The following RALYL variants were observed in gnomAD, a reference collection of about 807,000 sequenced individuals.
RALYL encodes the protein RNA-binding Raly-like protein.
In RALYL, 29 loss-of-function variants were observed where a neutral mutation model predicts 35.1. That is an observed-to-expected ratio of 0.83 (90% CI 0.61 to 1.13). RALYL has a LOEUF of 1.13. RALYL is among the 50% of genes most tolerant of loss of function. The pLI is 0.00. For synonymous variants in RALYL, 120 were observed against 127.6 expected (o/e 0.94, Z 0.40); for missense variants, 359 against 360.4 (o/e 1.00, Z 0.03).
intron 1 of RALYL, among the ~76,000 whole-genome samples, chr8:84,518,071 A>G (rs1470671771): frequency 1.3e-5 from 2 of 152,174 alleles, no homozygotes; most frequent in Non-Finnish European, 2.9e-5. Flanking sequence ...TCTATGTTAT[A>G]CTATTTATGC....
chr8:84,776,733 T>A (rs760553623), intron 3 of RALYL, among the ~76,000 whole-genome samples: 1 of 152,236 alleles, frequency 6.6e-6, no homozygotes, highest in African/African-American at 2.4e-5. Context: ...TTTCTTGGAT[T>A]GTTTTGATTT....
At chr8:84,598,020 C>T (rs543254157) in intron 2 of RALYL, among the ~76,000 whole-genome samples, 6 of 152,240 alleles carry the variant, frequency 3.9e-5, no homozygotes, top group African/African-American at 1.4e-4. Context: ...GCATGACATA[C>T]AAACCTCTGC....
Position 84,253,664 on chromosome 8 carries a change from G to A in RALYL, c.-24+69240G>A, listed in dbSNP as rs539903861. ...CCTTAAAATAGAAAAGAAGTTGACA[G>A]GTAAACATTCACATCATCCTTTTTG... On this transcript the variant is annotated intron_variant, in intron 1 of 8. Transcript: ENST00000521268. Among the ~76,000 whole-genome samples, 5 of 152,186 alleles carry A rather than the reference G, an allele frequency of 3.3e-5. No homozygotes were observed. In the East Asian group the frequency reaches 9.7e-4, roughly 30 times the overall value.
At chr8:84,919,932 A>G (rs1465632112) in intron 8 of RALYL, among the ~76,000 whole-genome samples, 3 of 152,092 alleles carry the variant, frequency 2.0e-5, no homozygotes, top group African/African-American at 4.8e-5. Flanking sequence ...CAGTAGTCTT[A>G]GCCAGGCATG....
intron 1 of RALYL, among the ~76,000 whole-genome samples, chr8:84,189,412 A>G (rs1352051624): frequency 6.6e-6 from 1 of 152,196 alleles, no homozygotes; most frequent in African/African-American, 2.4e-5. Context: ...CATATGCTAA[A>G]TAATAAGAGG....
chr8:84,832,254 A>G (rs530816585), intron 4 of RALYL, among the ~76,000 whole-genome samples: 1 of 152,306 alleles, frequency 6.6e-6, no homozygotes, highest in East Asian at 1.9e-4. Flanking sequence ...ATTTACAGAT[A>G]AAATCTGTAA....
At chr8:84,561,926 T>C (rs1162274902) in intron 2 of RALYL, among the ~76,000 whole-genome samples, 1 of 152,018 alleles carries the variant, frequency 6.6e-6, no homozygotes, top group Non-Finnish European at 1.5e-5. Flanking sequence ...TTTGAAGTAT[T>C]ACTAAAGCCG....
At chr8:84,241,544 G>A (rs1424504628) in intron 1 of RALYL, among the ~76,000 whole-genome samples, 1 of 152,050 alleles carries the variant, frequency 6.6e-6, no homozygotes, top group Non-Finnish European at 1.5e-5. Context: ...TTGGGAGGCT[G>A]AGGCAGGCAG....
chr8:84,803,477 A>T (rs1224989253), intron 3 of RALYL, among the ~76,000 whole-genome samples: 1 of 152,168 alleles, frequency 6.6e-6, no homozygotes, highest in African/African-American at 2.4e-5. Context: ...CAAACACAAT[A>T]AGGCAATTAA....
intron 1 of RALYL, among the ~76,000 whole-genome samples, chr8:84,349,345 A>T (rs1850430698): frequency 6.6e-6 from 1 of 150,516 alleles, no homozygotes; most frequent in Non-Finnish European, 1.5e-5. Flanking sequence ...GTGAATTTTC[A>T]TGAGTACTTC....
chr8:84,372,677 A>G (rs1855962015), intron 1 of RALYL, among the ~76,000 whole-genome samples: 2 of 151,924 alleles, frequency 1.3e-5, no homozygotes, highest in South Asian at 4.1e-4. Flanking sequence ...CCAGCCAACA[A>G]AGTCAGACCT....
intron 1 of RALYL, among the ~76,000 whole-genome samples, chr8:84,222,794 G>A (rs1046747092): frequency 1.3e-5 from 2 of 152,162 alleles, no homozygotes; most frequent in Non-Finnish European, 2.9e-5. Context: ...AGGTGAAGGA[G>A]TGGGGGAAAA....
At chr8:84,211,742 G>C (rs1819546356) in intron 1 of RALYL, among the ~76,000 whole-genome samples, 1 of 152,052 alleles carries the variant, frequency 6.6e-6, no homozygotes, top group Non-Finnish European at 1.5e-5. Flanking sequence ...TTATATAGCT[G>C]TGTATAAATG....
chr8:84,541,292 C>G (rs1432956721), intron 2 of RALYL, among the ~76,000 whole-genome samples: 1 of 151,908 alleles, frequency 6.6e-6, no homozygotes, highest in Non-Finnish European at 1.5e-5. Flanking sequence ...TCTAGTATGT[C>G]ATATTTTCAG....
chr8:84,776,012 C>T (rs1319689636), intron 3 of RALYL, among the ~76,000 whole-genome samples: 2 of 152,310 alleles, frequency 1.3e-5, no homozygotes, highest in African/African-American at 4.8e-5. Context: ...ATCAGTCCAT[C>T]AGTATCTGCA....
chr8:84,567,478 TGA>T lies in RALYL; in HGVS notation c.256+37904_256+37905del, dbSNP rs1323778312. Among the ~76,000 whole-genome samples, 2 of 151,774 alleles carry T rather than the reference TGA, an allele frequency of 1.3e-5. 1 individual carries two copies. Among genetic ancestry groups the T allele is most frequent in the Admixed American group, 1.3e-4 (2 of 15,178 alleles). ...ACATGCAGTATTTGATTTTTTGTTC[TGA>T]GATATTTTACTTAGGTCTCCATCAC... On this transcript the variant is annotated intron_variant, in intron 2 of 8. Transcript: ENST00000521268.
At chr8:84,472,862 G>A (rs1334632102) in intron 1 of RALYL, among the ~76,000 whole-genome samples, 3 of 152,174 alleles carry the variant, frequency 2.0e-5, no homozygotes, top group South Asian at 2.1e-4. Flanking sequence ...GGCTCTATGC[G>A]GACTGCCTGC....
intron 1 of RALYL, among the ~76,000 whole-genome samples, chr8:84,279,461 A>G (rs935641025): frequency 6.6e-6 from 1 of 152,220 alleles, no homozygotes; most frequent in Non-Finnish European, 1.5e-5. Flanking sequence ...AGGTAGAGGT[A>G]AGTGTTATGA....
chr8:84,325,963 T>C (rs1284255055), intron 1 of RALYL, among the ~76,000 whole-genome samples: 1 of 151,988 alleles, frequency 6.6e-6, no homozygotes. Context: ...ATATAAAAAC[T>C]TAGCTGGGTG....
Sources: allele counts gnomAD v4.1 joint callset (sites outside exome capture counted in the v4.1 genomes callset), GRCh38; gene constraint gnomAD v4.1.1; transcripts MANE v1.5; gene names NCBI Gene and HGNC (gene_info 2026-07-23, HGNC 2026-07-21).